SOX6: variants seen among roughly 807,000 people sequenced by gnomAD.
The protein encoded by SOX6 is SRY-box transcription factor 6.
In SOX6, 11 loss-of-function variants were observed where a neutral mutation model predicts 97.8. The observed-to-expected ratio is 0.11, with a 90% CI of 0.07 to 0.19. SOX6 has a LOEUF of 0.19. Ranked by LOEUF, SOX6 falls within the 10% of genes least tolerant of loss-of-function variation. The probability of loss-of-function intolerance (pLI) is 1.00; values close to 1 mark genes in which losing one functional copy is unlikely to be tolerated. For missense variants in SOX6, 810 were observed against 1,039.5 expected, an observed-to-expected ratio of 0.78 and a Z score of 3.04; for synonymous variants, 360 against 371.4, an observed-to-expected ratio of 0.97 and a Z score of 0.35.
chr11:16,190,994 TA>T (rs1851615330), intron 4 of SOX6, among the ~76,000 whole-genome samples: 2 of 152,082 alleles, frequency 1.3e-5, no homozygotes, highest in Admixed American at 1.3e-4. Context: ...TTTTTTATCT[TA>T]AAAAAATTAA....
chr11:16,649,082 G>GA (rs893035116), intron 3 of SOX6, among the ~76,000 whole-genome samples: 43 of 149,754 alleles, frequency 2.9e-4, no homozygotes, highest in Admixed American at 9.3e-4. Context: ...AAAAAAGAAG[G>GA]AAAAAAAAAG....
Position 16,158,112 on chromosome 11 carries a change from G to T in SOX6, c.777+25774C>A, listed in dbSNP as rs925982579. 2.6e-5 allele frequency among the ~76,000 whole-genome samples: 4 copies of T among 151,886 alleles called. No individual in the cohort carries two copies. In the East Asian group the frequency reaches 7.7e-4, roughly 29 times the overall value. ...CCAAAGACTAGTAGAAATTTAATAAGAAAACTTTATTAAACTCATTCAATT... is the reference window on the plus strand; with the variant it reads ...CCAAAGACTAGTAGAAATTTAATAATAAAACTTTATTAAACTCATTCAATT... On this transcript the variant is annotated intron_variant, in intron 6 of 15. Transcript: ENST00000683767.
At chr11:15,984,652 A>G (rs1489915302) in intron 15 of SOX6, among the ~76,000 whole-genome samples, 1 of 152,234 alleles carries the variant, frequency 6.6e-6, no homozygotes, top group Non-Finnish European at 1.5e-5. Flanking sequence ...GCAAACATTT[A>G]TAATACAGAG....
chr11:16,142,234 G>C (rs1015544479), intron 6 of SOX6, among the ~76,000 whole-genome samples: 1 of 152,124 alleles, frequency 6.6e-6, no homozygotes, highest in Non-Finnish European at 1.5e-5. Context: ...TGATACCCAG[G>C]CAAATAGGGT....
chr11:16,348,204 T>TGA (rs1251735385), intron 1 of SOX6, among the ~76,000 whole-genome samples: 2 of 152,180 alleles, frequency 1.3e-5, no homozygotes, highest in South Asian at 2.1e-4. Flanking sequence ...CAGCAGAGGT[T>TGA]ACACAAGCAT....
At chr11:16,202,734 C>T (rs960799742) in intron 4 of SOX6, among the ~76,000 whole-genome samples, 1 of 151,926 alleles carries the variant, frequency 6.6e-6, no homozygotes, top group Admixed American at 6.5e-5. Context: ...TAGAAGTTTC[C>T]AAGAATGGCT....
intron 1 of SOX6, among the ~76,000 whole-genome samples, chr11:16,417,995 A>G (rs1172960301): frequency 6.6e-6 from 1 of 152,198 alleles, no homozygotes; most frequent in Non-Finnish European, 1.5e-5. Flanking sequence ...ATATGATGAA[A>G]TTATTTAAAA....
intron 9 of SOX6, among the ~76,000 whole-genome samples, chr11:16,060,104 C>T (rs1847908909): frequency 6.6e-6 from 1 of 151,828 alleles, no homozygotes; most frequent in African/African-American, 2.4e-5. Flanking sequence ...AATCTTGAGT[C>T]CTTTGGGAAA....
intron 7 of SOX6, among the ~76,000 whole-genome samples, chr11:16,099,800 A>G (rs1848896648): frequency 6.6e-6 from 1 of 151,232 alleles, no homozygotes. Flanking sequence ...CCTGCTGGCT[A>G]CAAACAGCTT....
chr11:16,604,168 T>C (rs556552761), intron 4 of SOX6, among the ~76,000 whole-genome samples: 1 of 152,226 alleles, frequency 6.6e-6, no homozygotes, highest in African/African-American at 2.4e-5. Context: ...TCTCGAACTT[T>C]GTGCAAGAAT....
intron 4 of SOX6, among the ~76,000 whole-genome samples, chr11:16,609,118 G>A (rs1300484455): frequency 3.3e-5 from 5 of 152,182 alleles, no homozygotes; most frequent in Admixed American, 1.3e-4. Flanking sequence ...AAAGCTGGAG[G>A]ACCAGGACAG....
At chr11:16,405,442 C>T (rs1858663863) in intron 1 of SOX6, among the ~76,000 whole-genome samples, 1 of 151,934 alleles carries the variant, frequency 6.6e-6, no homozygotes, top group African/African-American at 2.4e-5. Flanking sequence ...CATCTAACAC[C>T]CCTTCTCCGA....
chr11:16,340,066 T>C (rs1856584252), intron 2 of SOX6, among the ~76,000 whole-genome samples: 2 of 152,082 alleles, frequency 1.3e-5, no homozygotes. Context: ...AATGTCTGCC[T>C]TCATAAATTA....
At chr11:16,106,862 T>A (rs1050254815) in intron 7 of SOX6, among the ~76,000 whole-genome samples, 14 of 151,896 alleles carry the variant, frequency 9.2e-5, no homozygotes, top group African/African-American at 3.4e-4. Flanking sequence ...GGTATTAATA[T>A]CCACAATACA....
Position 16,015,008 on chromosome 11 carries a change from T to G in SOX6, c.1666A>C (p.Lys556Gln). 1 of 1,612,978 alleles carries G rather than the reference T, an allele frequency of 6.2e-7. No homozygotes were observed. Among genetic ancestry groups the G allele is most frequent in the Non-Finnish European group, 8.5e-7 (1 of 1,179,340 alleles). The change falls in exon 13 of 16, where the codon AAG becomes CAG. Residue 556 changes from lysine (K) to glutamine (Q), a missense_variant. Coordinates refer to ENST00000683767, the MANE Select transcript of SOX6 (RefSeq NM_001367873.1). ...FENLGPQLTGKSNEDGKLGPG... is the reference protein window; with the variant it reads ...FENLGPQLTGQSNEDGKLGPG... The stretch of plus-strand genomic sequence containing the variant: ...CCCAGTTTTCCATCTTCATTTGACT[T>G]TCCCGTTAACTGGGGCCCCAAATTC...
intron 6 of SOX6, among the ~76,000 whole-genome samples, chr11:16,129,462 TAC>T (rs1219004247): frequency 1.3e-5 from 2 of 152,174 alleles, no homozygotes; most frequent in Non-Finnish European, 2.9e-5. Context: ...CCTCAAAATA[TAC>T]AGAGCTTTAC....
intron 15 of SOX6, among the ~76,000 whole-genome samples, chr11:15,975,770 G>A (rs1234479632): frequency 2.6e-5 from 4 of 152,020 alleles, no homozygotes; most frequent in Non-Finnish European, 4.4e-5. Flanking sequence ...AACCTTCCCC[G>A]TGTCACAAAT....
intron 9 of SOX6, among the ~76,000 whole-genome samples, chr11:16,059,182 A>T (rs755253325): frequency 7.2e-5 from 11 of 152,112 alleles, no homozygotes; most frequent in Non-Finnish European, 1.2e-4. Context: ...GTTTACACCT[A>T]TAATCCTTAA....
intron 1 of SOX6, among the ~76,000 whole-genome samples, chr11:16,372,712 G>T (rs1323840602): frequency 6.6e-6 from 1 of 152,050 alleles, no homozygotes; most frequent in Non-Finnish European, 1.5e-5. Context: ...AGTAATAAGA[G>T]AATAAAATCA....
Sources: gnomAD v4.1 joint callset for allele counts (sites outside exome capture counted in the v4.1 genomes callset) on GRCh38, gnomAD v4.1.1 for gene constraint, MANE v1.5 for transcripts, NCBI Gene and HGNC (gene_info 2026-07-23, HGNC 2026-07-21) for gene names.